The following PAQR5 variants were observed in gnomAD, a reference collection of about 807,000 sequenced individuals.
PAQR5 encodes the protein membrane progestin receptor gamma.
In PAQR5, 20 loss-of-function variants were observed where a neutral mutation model predicts 34.5. That is an observed-to-expected ratio of 0.58 (90% confidence interval 0.41 to 0.84). The LOEUF (loss-of-function observed/expected upper bound fraction) is 0.84. PAQR5 is among the 40% of genes least tolerant of loss of function. PAQR5 has a pLI of 0.00. For synonymous variants in PAQR5, 131 were observed against 155.6 expected, an observed-to-expected ratio of 0.84 and a Z score of 1.18; for missense variants, 378 against 412.7, an observed-to-expected ratio of 0.92 and a Z score of 0.73.
At chr15:69,397,105 T>TTC in intron 6 of PAQR5, 1 of 441,304 alleles carries the variant, frequency 2.3e-6, no homozygotes, top group Non-Finnish European at 4.6e-6. Flanking sequence ...ATCCCCCGAT[T>TTC]CCCCCTACCC....
At chr15:69,319,170 TATATATA>T (rs2054028970) in intron 1 of PAQR5, among the ~76,000 whole-genome samples, 6 of 135,200 alleles carry the variant, frequency 4.4e-5, no homozygotes, top group Admixed American at 2.2e-4. Flanking sequence ...TATATATATA[TATATATA>T]TATATATATA....
intron 1 of PAQR5, among the ~76,000 whole-genome samples, chr15:69,311,643 G>T (rs2140545410): frequency 6.6e-6 from 1 of 152,188 alleles, no homozygotes; most frequent in Admixed American, 6.5e-5. Context: ...TGCCCACAGG[G>T]GTTATTTAAA....
intron 2 of PAQR5, among the ~76,000 whole-genome samples, chr15:69,341,086 T>C (rs1370044369): frequency 1.3e-5 from 2 of 152,176 alleles, no homozygotes; most frequent in Non-Finnish European, 2.9e-5. Context: ...TTCACATTGC[T>C]GTGCACCTAT....
intron 1 of PAQR5, among the ~76,000 whole-genome samples, chr15:69,312,381 G>A (rs1164579414): frequency 6.6e-6 from 1 of 152,016 alleles, no homozygotes; most frequent in Non-Finnish European, 1.5e-5. Context: ...TTCCAACCTT[G>A]CATTAGGTCC....
intron 1 of PAQR5, among the ~76,000 whole-genome samples, chr15:69,306,995 A>G (rs1241340026): frequency 1.3e-5 from 2 of 152,180 alleles, no homozygotes; most frequent in Non-Finnish European, 2.9e-5. Flanking sequence ...CACTTAGCAT[A>G]ATTTCACTTA....
intron 1 of PAQR5, among the ~76,000 whole-genome samples, chr15:69,302,764 C>T (rs200736250): frequency 7.9e-5 from 12 of 152,238 alleles, no homozygotes; most frequent in East Asian, 5.8e-4. Context: ...GGCTCAAGCC[C>T]GTGAACAAAC....
In PAQR5 at chr15:69,300,582, TTTC is replaced by T. The variant is rs2053514678; in HGVS notation, c.-277+1529_-277+1531del. Among the ~76,000 whole-genome samples, 2 of 80,468 alleles carry T rather than the reference TTTC, an allele frequency of 2.5e-5. 1 individual carries two copies. Among genetic ancestry groups the T allele is most frequent in the African/African-American group, 7.6e-5 (2 of 26,480 alleles). The allele number at this position is 80,468 out of a possible 152,430, so 52.8% of individuals were successfully genotyped here. On this transcript the variant is annotated intron_variant, in intron 1 of 8. Transcript: ENST00000395407. ...GCTTTTCTTTCTTTCTCTTTCTTTC[TTTC>T]TTTCCTTCTTTCTTTCTTTCTTTCT... is the stretch of plus-strand genomic sequence containing the variant.
intron 3 of PAQR5, among the ~76,000 whole-genome samples, chr15:69,378,828 G>T (rs1432464957): frequency 6.6e-6 from 1 of 152,090 alleles, no homozygotes; most frequent in East Asian, 1.9e-4. Context: ...CAACTTGGGG[G>T]GTAGGGTGCT....
chr15:69,349,506 G>C (rs544185161), intron 2 of PAQR5, among the ~76,000 whole-genome samples: 1 of 152,272 alleles, frequency 6.6e-6, no homozygotes, highest in East Asian at 1.9e-4. Flanking sequence ...ACTAAACAGA[G>C]ATTCTGCATG....
chr15:69,379,727 C>T (rs942921110), intron 3 of PAQR5, 156 bp from the exon 4 acceptor site: 6 of 746,790 alleles, frequency 8.0e-6, no homozygotes, highest in East Asian at 1.3e-4. Context: ...GAAGCTACTG[C>T]GAGGGAAGGA....
chr15:69,381,187 A>T (rs1036691323), intron 4 of PAQR5, among the ~76,000 whole-genome samples: 1 of 152,208 alleles, frequency 6.6e-6, no homozygotes, highest in Non-Finnish European at 1.5e-5. Context: ...ATAACCCTTC[A>T]GAAGGGAATA....
chr15:69,345,821 T>A (rs747340815), intron 2 of PAQR5, among the ~76,000 whole-genome samples: 60 of 152,304 alleles, frequency 3.9e-4, no homozygotes, highest in Admixed American at 5.9e-4. Context: ...TAGTCCCAGG[T>A]ACTTGGGAAG....
At chr15:69,363,879 A>G (rs149910734) in intron 3 of PAQR5, among the ~76,000 whole-genome samples, 232 of 152,158 alleles carry the variant, frequency 1.5e-3, no homozygotes, top group African/African-American at 5.3e-3. Flanking sequence ...AAATAACTAC[A>G]GCCTTGACTC....
intron 2 of PAQR5, among the ~76,000 whole-genome samples, chr15:69,347,275 C>T (rs1477134460): frequency 1.3e-5 from 2 of 152,164 alleles, no homozygotes; most frequent in African/African-American, 4.8e-5. Context: ...TGGGTCTTAC[C>T]TGATAGTTTG....
At chr15:69,311,248 T>C (rs2053828327) in intron 1 of PAQR5, among the ~76,000 whole-genome samples, 1 of 151,692 alleles carries the variant, frequency 6.6e-6, no homozygotes, top group African/African-American at 2.4e-5. Context: ...AGGAATTGGA[T>C]GGCTACACGT....
chr15:69,381,993 C>T (rs1183016031), intron 4 of PAQR5, among the ~76,000 whole-genome samples: 2 of 152,108 alleles, frequency 1.3e-5, no homozygotes, highest in African/African-American at 2.4e-5. Flanking sequence ...GATTGTAGGC[C>T]AGGCAGACCT....
chr15:69,340,573 A>G (rs1257109423), intron 2 of PAQR5, among the ~76,000 whole-genome samples: 1 of 152,200 alleles, frequency 6.6e-6, no homozygotes, highest in Non-Finnish European at 1.5e-5. Context: ...CGTGTCATTC[A>G]GCTGATGAGT....
At chr15:69,389,952 G>A (rs1038166720) in intron 6 of PAQR5, among the ~76,000 whole-genome samples, 172 bp downstream of exon 6, 16 of 152,184 alleles carry the variant, frequency 1.1e-4, no homozygotes, top group Non-Finnish European at 2.4e-4. Flanking sequence ...TCCTGGGCAC[G>A]CAAGCTCCAG....
intron 4 of PAQR5, among the ~76,000 whole-genome samples, chr15:69,383,509 C>G (rs368819032): frequency 1.0e-3 from 78 of 77,228 alleles, no homozygotes; most frequent in Middle Eastern, 0.018. Context: ...TGGAGGGTGA[C>G]TGGCCCTCTG....
Sources: gnomAD v4.1 joint callset for allele counts (sites outside exome capture counted in the v4.1 genomes callset) on GRCh38, gnomAD v4.1.1 for gene constraint, MANE v1.5 for transcripts, NCBI Gene and HGNC (gene_info 2026-07-23, HGNC 2026-07-21) for gene names.